SCMH1: variants seen among roughly 807,000 people sequenced by gnomAD.
The protein encoded by SCMH1 is Scm polycomb group protein homolog 1, also known as polycomb protein SCMH1.
A neutral mutation model predicts 70.8 loss-of-function variants in SCMH1; 37 were observed. The ratio of observed to expected loss-of-function variants is 0.52; its 90% confidence interval spans 0.40 to 0.69. The LOEUF is 0.69. Ranked by LOEUF, SCMH1 falls within the 30% of genes least tolerant of loss-of-function variation. The pLI is 0.00. For missense variants in SCMH1, 607 were observed against 827.3 expected (o/e 0.73, Z 3.27); for synonymous variants, 292 against 307.4 (o/e 0.95, Z 0.52).
intron 8 of SCMH1, among the ~76,000 whole-genome samples, chr1:41,109,990 T>A (rs1473530903): frequency 6.6e-6 from 1 of 152,174 alleles, no homozygotes; most frequent in Non-Finnish European, 1.5e-5. Flanking sequence ...TTATCCTGTT[T>A]TAGCCTCAAG....
intron 1 of SCMH1, among the ~76,000 whole-genome samples, chr1:41,220,314 T>C (rs1658990087): frequency 6.6e-6 from 1 of 152,224 alleles, no homozygotes; most frequent in Non-Finnish European, 1.5e-5. Flanking sequence ...TTTATGTACA[T>C]GTGTTTAGAG....
intron 1 of SCMH1, among the ~76,000 whole-genome samples, chr1:41,232,938 C>A (rs970171624): frequency 3.9e-5 from 6 of 152,170 alleles, no homozygotes; most frequent in Admixed American, 1.3e-4. Context: ...TATGTGGCAG[C>A]CCCTCAAATG....
At chr1:41,181,323 G>A (rs936895155) in intron 2 of SCMH1, among the ~76,000 whole-genome samples, 3 of 152,136 alleles carry the variant, frequency 2.0e-5, no homozygotes, top group African/African-American at 7.2e-5. Flanking sequence ...AAAAGCAATG[G>A]CAACAAAAGC....
intron 2 of SCMH1, among the ~76,000 whole-genome samples, chr1:41,184,520 A>G (rs1649659840): frequency 6.6e-6 from 1 of 152,204 alleles, no homozygotes; most frequent in East Asian, 1.9e-4. Flanking sequence ...CACTGGAGAT[A>G]TATCACTAAA....
intron 6 of SCMH1, among the ~76,000 whole-genome samples, chr1:41,118,034 A>T (rs1224215151): frequency 6.6e-6 from 1 of 152,120 alleles, no homozygotes; most frequent in Admixed American, 6.5e-5. Flanking sequence ...GCACACAGGG[A>T]GAAAACCCAC....
At chr1:41,210,813 CT>C (rs879610758) in intron 1 of SCMH1, among the ~76,000 whole-genome samples, 359 of 142,752 alleles carry the variant, frequency 2.5e-3, no homozygotes, top group Admixed American at 3.2e-3. Flanking sequence ...GACTTCATGA[CT>C]TTTTTTTTTT....
Position 41,030,778 on chromosome 1 carries a change from A to G in SCMH1, c.1679-2052T>C, listed in dbSNP as rs1432677623. On this transcript the variant is annotated intron_variant, in intron 13 of 14. Transcript: ENST00000337495. ...TATAAGCTCTCTCTTGTTCCTTGCT[A>G]TGTTGCTGACACATAAAAGAGTGCC... is the stretch of plus-strand genomic sequence containing the variant. Among the ~76,000 whole-genome samples the G allele has an allele frequency of 2.0e-5, 3 of 152,218 alleles. No homozygotes were observed. In the East Asian group the frequency reaches 5.8e-4, roughly 29 times the overall value.
chr1:41,085,037 T>C (rs920832346), intron 8 of SCMH1, among the ~76,000 whole-genome samples: 2 of 150,162 alleles, frequency 1.3e-5, no homozygotes, highest in Non-Finnish European at 3.0e-5. Flanking sequence ...AATGACGAGT[T>C]AGTGGGTGCA....
At chr1:41,160,928 G>C (rs1557699283) in intron 3 of SCMH1, 30 bp from the exon 4 acceptor site, 1 of 1,546,722 alleles carries the variant, frequency 6.5e-7, no homozygotes, top group Non-Finnish European at 8.7e-7. Flanking sequence ...TGGAGCATAA[G>C]TCATTAAGAC....
intron 1 of SCMH1, among the ~76,000 whole-genome samples, chr1:41,223,557 G>C: frequency 6.6e-6 from 1 of 151,056 alleles, no homozygotes; most frequent in Non-Finnish European, 1.5e-5. Context: ...TCCCTAACAA[G>C]TTTTAAATTT....
chr1:41,239,066 T>C lies in SCMH1; in HGVS notation c.-118+2993A>G, dbSNP rs193174248. ...CATCCCTATGACCACATTTTAAAAA[T>C]GTTACTTCAACCATGTCTGATAGAC... On this transcript the variant is annotated intron_variant, in intron 1 of 14. Coordinates refer to ENST00000337495, the Ensembl canonical transcript of SCMH1. Among the ~76,000 whole-genome samples the C allele has an allele frequency of 1.6e-4, 24 of 152,240 alleles. 1 individual carries two copies. The East Asian group carries it at 4.1e-3, about 26-fold the overall frequency.
chr1:41,205,433 C>T (rs941133018), intron 1 of SCMH1, among the ~76,000 whole-genome samples: 4 of 152,240 alleles, frequency 2.6e-5, no homozygotes, highest in African/African-American at 9.6e-5. Context: ...TGGAGCCTTG[C>T]TCACTGCTAG....
At chr1:41,226,781 CAA>C (rs1660347351) in intron 1 of SCMH1, among the ~76,000 whole-genome samples, 2 of 152,086 alleles carry the variant, frequency 1.3e-5, no homozygotes, top group Non-Finnish European at 2.9e-5. Flanking sequence ...TACTACAAAG[CAA>C]AGTCACAAGG....
At chr1:41,162,220 A>C (rs1056957094) in intron 2 of SCMH1, among the ~76,000 whole-genome samples, 7 of 151,994 alleles carry the variant, frequency 4.6e-5, no homozygotes, top group Non-Finnish European at 1.0e-4. Context: ...CCAGGATCAG[A>C]AATGCCTGCT....
intron 8 of SCMH1, among the ~76,000 whole-genome samples, chr1:41,104,592 T>C (rs184109445): frequency 6.6e-6 from 1 of 152,326 alleles, no homozygotes; most frequent in Admixed American, 6.5e-5. Context: ...AGGTACCCCA[T>C]CAAAATGTAC....
At position 41,048,760 on chromosome 1, in the gene SCMH1, G is replaced by A. The variant is rs151194966; in HGVS notation, c.1236C>T (p.Ile412=). The change falls in exon 11 of 15, where the codon ATC becomes ATT. Residue 412 remains isoleucine, a synonymous_variant. Coordinates refer to ENST00000337495, the Ensembl canonical transcript of SCMH1. Reference sequence around the variant, plus strand: ...CGGTTTTCTGGTGATAAGCACAGTCGATACAGGCCTGGACAGCCTGCTGCA... The same window carrying A: ...CGGTTTTCTGGTGATAAGCACAGTCAATACAGGCCTGGACAGCCTGCTGCA... The A allele has an allele frequency of 5.8e-5, 94 of 1,614,018 alleles. 1 individual carries two copies. The highest frequency in any genetic ancestry group is 7.5e-5 in the Non-Finnish European group (89 of 1,180,032).
At chr1:41,178,449 G>A (rs1447330328) in intron 2 of SCMH1, among the ~76,000 whole-genome samples, 1 of 151,818 alleles carries the variant, frequency 6.6e-6, no homozygotes, top group East Asian at 1.9e-4. Flanking sequence ...CTGGCAAATT[G>A]GATAGTCAAG....
chr1:41,051,303 T>A (rs960515891), intron 10 of SCMH1, among the ~76,000 whole-genome samples: 1 of 152,216 alleles, frequency 6.6e-6, no homozygotes, highest in African/African-American at 2.4e-5. Context: ...ATATAGCATA[T>A]AGGATTACGT....
At chr1:41,193,043 A>G (rs1652106839) in intron 1 of SCMH1, among the ~76,000 whole-genome samples, 3 of 152,238 alleles carry the variant, frequency 2.0e-5, no homozygotes, top group Non-Finnish European at 4.4e-5. Context: ...GTAAAACTTT[A>G]TTTACAAAAA....
Sources: gnomAD v4.1 joint callset for allele counts (sites outside exome capture counted in the v4.1 genomes callset) on GRCh38, gnomAD v4.1.1 for gene constraint, MANE v1.5 for transcripts, NCBI Gene and HGNC (gene_info 2026-07-23, HGNC 2026-07-21) for gene names.